UTRN: variants seen among roughly 807,000 people sequenced by gnomAD.
UTRN encodes utrophin.
Under a neutral mutation model 463.9 loss-of-function variants are expected in UTRN, and 283 were observed. The ratio of observed to expected loss-of-function variants is 0.61; its 90% CI spans 0.55 to 0.67. The LOEUF is 0.67. Ranked by LOEUF, UTRN falls within the 30% of genes least tolerant of loss-of-function variation. The pLI, the probability that UTRN is intolerant of heterozygous loss-of-function variation, is 0.00. For synonymous variants in UTRN, 1,442 were observed against 1,431.5 expected, an observed-to-expected ratio of 1.01 and a Z score of -0.17; for missense variants, 3,922 against 4,084.3, an observed-to-expected ratio of 0.96 and a Z score of 1.08.
intron 24 of UTRN, 32 bp downstream of exon 24, chr6:144,473,865 A>G (rs1306863010): frequency 6.6e-7 from 1 of 1,514,216 alleles, no homozygotes; most frequent in Non-Finnish European, 9.1e-7. Context: ...AACTTGTCAT[A>G]AATAACATTT....
chr6:144,318,041 C>T (rs1355231002), intron 2 of UTRN, among the ~76,000 whole-genome samples: 1 of 151,896 alleles, frequency 6.6e-6, no homozygotes, highest in Non-Finnish European at 1.5e-5. Context: ...TCATTTTCGG[C>T]TTAGGTACTC....
intron 58 of UTRN, among the ~76,000 whole-genome samples, chr6:144,760,117 T>C (rs538227077): frequency 6.6e-6 from 1 of 152,170 alleles, no homozygotes; most frequent in Non-Finnish European, 1.5e-5. Context: ...AATGAATTTC[T>C]ATATGTTTAG....
rs1482350791 is a variant in UTRN at position 144,846,886 on chromosome 6, TTATCCA to T, written c.10293+60_10293+65del. 19 of 1,599,328 alleles carry T rather than the reference TTATCCA, an allele frequency of 1.2e-5. No homozygotes were observed. The African/African-American group carries it at 1.7e-4, about 15-fold the overall frequency. ...CTGATCCCAACCTAGAGTAAGCAGA[TTATCCA>T]CGACTGATTTTATTCCTACTTTATT... On this transcript the variant is annotated intron_variant, in intron 74 of 74. Transcript: ENST00000367545.
At chr6:144,439,627 G>A (rs978376995) in intron 12 of UTRN, among the ~76,000 whole-genome samples, 7 of 152,048 alleles carry the variant, frequency 4.6e-5, no homozygotes, top group Non-Finnish European at 1.0e-4. Flanking sequence ...CAAGTAGCTG[G>A]GACTACAGGC....
At chr6:144,824,187 C>A (rs1779837755) in intron 66 of UTRN, among the ~76,000 whole-genome samples, 2 of 151,796 alleles carry the variant, frequency 1.3e-5, no homozygotes, top group South Asian at 4.2e-4. Context: ...TAATGAAGGG[C>A]CTTCTAAGCC....
At chr6:144,290,409 C>G (rs1388114306) in intron 1 of UTRN, among the ~76,000 whole-genome samples, 1 of 152,136 alleles carries the variant, frequency 6.6e-6, no homozygotes, top group African/African-American at 2.4e-5. Context: ...CAGGCCATTT[C>G]TTTTGAAAAC....
chr6:144,779,631 A>G (rs562073472), intron 60 of UTRN, among the ~76,000 whole-genome samples: 2 of 152,330 alleles, frequency 1.3e-5, no homozygotes, highest in South Asian at 4.1e-4. Flanking sequence ...TAACAGAGGC[A>G]GAAAGGGTAG....
intron 2 of UTRN, among the ~76,000 whole-genome samples, chr6:144,334,413 C>T (rs529925158): frequency 2.8e-4 from 42 of 151,396 alleles, no homozygotes; most frequent in African/African-American, 8.6e-4. Flanking sequence ...ATGATTTTAG[C>T]GCCCCCGGGA....
At chr6:144,540,680 T>C (rs1440339565) in intron 45 of UTRN, among the ~76,000 whole-genome samples, 2 of 152,224 alleles carry the variant, frequency 1.3e-5, no homozygotes, top group African/African-American at 4.8e-5. Context: ...TTTCATCTTA[T>C]TATTACTTAA....
At chr6:144,327,866 C>A (rs1036699926) in intron 2 of UTRN, among the ~76,000 whole-genome samples, 1 of 152,048 alleles carries the variant, frequency 6.6e-6, no homozygotes, top group African/African-American at 2.4e-5. Context: ...ATCACTTGAA[C>A]CCGGGAGGTG....
intron 2 of UTRN, among the ~76,000 whole-genome samples, chr6:144,316,051 T>C (rs1775267208): frequency 6.6e-6 from 1 of 152,162 alleles, no homozygotes; most frequent in South Asian, 2.1e-4. Context: ...TCATCTTTCA[T>C]GGTTGTATTA....
At position 144,840,142 on chromosome 6, in the gene UTRN, C is replaced by T. The variant is rs12661425; in HGVS notation, c.10178-598C>T. Among the ~76,000 whole-genome samples the T allele has an allele frequency of 1.6e-3, 241 of 151,860 alleles. 5 individuals carry two copies. In the East Asian group the frequency reaches 0.037, roughly 23 times the overall value. ...GGCGGAGGTTGCAGTGAGCCGAGATCGCACCAATGCACTCCAGCCTGGTGA... is the reference window on the plus strand; with the variant it reads ...GGCGGAGGTTGCAGTGAGCCGAGATTGCACCAATGCACTCCAGCCTGGTGA... On this transcript the variant is annotated intron_variant, in intron 72 of 74. Transcript: ENST00000367545.
intron 2 of UTRN, among the ~76,000 whole-genome samples, chr6:144,367,896 C>T (rs1779644518): frequency 6.6e-6 from 1 of 152,078 alleles, no homozygotes; most frequent in South Asian, 2.1e-4. Flanking sequence ...ATTCTCATGC[C>T]TCAGCCTTCC....
intron 51 of UTRN, among the ~76,000 whole-genome samples, chr6:144,589,966 C>T (rs1243459121): frequency 6.6e-6 from 1 of 152,002 alleles, no homozygotes; most frequent in African/African-American, 2.4e-5. Context: ...ATCCTCCCGC[C>T]TCAGCCTCTC....
chr6:144,415,449 A>G (rs1784283527), intron 3 of UTRN, among the ~76,000 whole-genome samples: 1 of 152,174 alleles, frequency 6.6e-6, no homozygotes, highest in Non-Finnish European at 1.5e-5. Context: ...TTAGAATTTC[A>G]CTCTTTTAAG....
chr6:144,726,424 C>T (rs531389034), intron 53 of UTRN, among the ~76,000 whole-genome samples: 21 of 152,210 alleles, frequency 1.4e-4, no homozygotes, highest in East Asian at 5.8e-4. Context: ...TCAATTTACG[C>T]ACCACCTCCC....
Position 144,548,730 on chromosome 6 carries a change from C to G in UTRN, c.6686C>G (p.Ala2229Gly), listed in dbSNP as rs1339457101. ...CGTACTTCGGAAATTTCAATTCCTG[C>G]TGATCTTGATAAAACTATAACAGAA... ...SHRTSEISIP[A>G]DLDKTITELA... Residue 2229 changes from alanine to glycine, a missense_variant, in exon 47 of 75, where the codon GCT becomes GGT. Transcript: ENST00000367545. 1 of 1,614,032 alleles carries G rather than the reference C, an allele frequency of 6.2e-7. No individual in the cohort carries two copies. Among genetic ancestry groups the G allele is most frequent in the Non-Finnish European group, 8.5e-7 (1 of 1,179,950 alleles).
rs185641676 is a variant in UTRN at position 144,328,251 on chromosome 6, T to C, written c.79+36344T>C. Among the ~76,000 whole-genome samples, 44 of 152,118 alleles carry C rather than the reference T, an allele frequency of 2.9e-4. No individual in the cohort carries two copies. In the East Asian group the frequency reaches 8.1e-3, roughly 28 times the overall value. On this transcript the variant is annotated intron_variant, in intron 2 of 74. Coordinates refer to ENST00000367545, the MANE Select transcript of UTRN (RefSeq NM_007124.3). Reference sequence around the variant, plus strand: ...TGTTTATTAAGATATGCGTAGTGCATACACATGGGAGTACCCAGACATGAG... The same window carrying C: ...TGTTTATTAAGATATGCGTAGTGCACACACATGGGAGTACCCAGACATGAG...
chr6:144,794,413 T>A (rs1363422297), intron 63 of UTRN, among the ~76,000 whole-genome samples: 2 of 152,208 alleles, frequency 1.3e-5, no homozygotes, highest in Non-Finnish European at 2.9e-5. Flanking sequence ...ACCTAATCTT[T>A]ATTTGATCTT....
Sources: allele counts gnomAD v4.1 joint callset (sites outside exome capture counted in the v4.1 genomes callset), GRCh38; gene constraint gnomAD v4.1.1; transcripts MANE v1.5; gene names NCBI Gene and HGNC (gene_info 2026-07-23, HGNC 2026-07-21).